The following DENND2C variants were observed in gnomAD, a reference collection of about 807,000 sequenced individuals.
DENND2C encodes the protein DENN domain-containing protein 2C.
A neutral mutation model predicts 112.4 loss-of-function variants in DENND2C; 72 were observed. The observed-to-expected ratio is 0.64, with a 90% CI of 0.53 to 0.78. DENND2C has a LOEUF of 0.78. Among genes scored for constraint, DENND2C ranks in the 30% least tolerant of loss-of-function variants. DENND2C has a pLI of 0.00. For missense variants in DENND2C, 992 were observed against 1,113.8 expected, an observed-to-expected ratio of 0.89 and a Z score of 1.56; for synonymous variants, 329 against 381.6, an observed-to-expected ratio of 0.86 and a Z score of 1.61.
chr1:114,669,134 T>C (rs1426436523), intron 1 of DENND2C, among the ~76,000 whole-genome samples: 6 of 152,194 alleles, frequency 3.9e-5, no homozygotes, highest in South Asian at 4.1e-4. Context: ...GAAGAATCAC[T>C]AGCTTTAGGG....
Position 114,587,922 on chromosome 1 carries a change from G to C in DENND2C, c.2462C>G (p.Ala821Gly), listed in dbSNP as rs751398782. ...CAACTCCACAAAAAACCTGACAAAT[G>C]CTTCGGACACCAGAGAGTTGAGTGT... ...DVTLNSLVSE[A>G]FVRFFVELVG... The change falls in exon 19 of 21, where the codon GCA becomes GGA. Residue 821 changes from alanine (A) to glycine (G), a missense_variant. By Grantham distance (60) the Ala-to-Gly change is moderately conservative (BLOSUM62 0). This residue lies in a region of DENND2C where 516 missense variants were observed against 623.6 expected (regional missense o/e 0.83). Coordinates refer to ENST00000393274, the MANE Select transcript of DENND2C (RefSeq NM_001256404.2). 1 of 1,614,070 alleles carries C rather than the reference G, an allele frequency of 6.2e-7. No individual in the cohort carries two copies. Among genetic ancestry groups the C allele is most frequent in the Non-Finnish European group, 8.5e-7 (1 of 1,180,012 alleles).
chr1:114,667,978 C>T (rs1373124233), intron 1 of DENND2C, among the ~76,000 whole-genome samples: 1 of 152,156 alleles, frequency 6.6e-6, no homozygotes, highest in Non-Finnish European at 1.5e-5. Context: ...TGAATGATAG[C>T]TGATGTTGTT....
At chr1:114,594,408 G>C in intron 18 of DENND2C, 65 bp downstream of exon 18, 5 of 1,302,042 alleles carry the variant, frequency 3.8e-6, no homozygotes, top group Non-Finnish European at 5.6e-6. Context: ...CATAGTGCTG[G>C]GCATTCAGTA....
chr1:114,621,018 T>G (rs1656148748), intron 7 of DENND2C, among the ~76,000 whole-genome samples: 2 of 152,158 alleles, frequency 1.3e-5, no homozygotes, highest in South Asian at 4.1e-4. Context: ...TACAGCAGAG[T>G]ATGTGCATAG....
chr1:114,665,540 T>A (rs1451736636), intron 1 of DENND2C, among the ~76,000 whole-genome samples: 1 of 152,200 alleles, frequency 6.6e-6, no homozygotes, highest in Non-Finnish European at 1.5e-5. Context: ...TGGGGTTACA[T>A]TCGGATAAAC....
chr1:114,621,917 G>A lies in DENND2C; in HGVS notation c.1205C>T (p.Thr402Met), dbSNP rs995161479. The A allele has an allele frequency of 3.5e-5, 54 of 1,550,410 alleles. No individual in the cohort carries two copies. Among genetic ancestry groups the A allele is most frequent in the South Asian group, 4.8e-5 (4 of 84,060 alleles). ...KLFRAGEVAN[T>M]KRKNLPRLVL... ...TACCCTTGGAAGATTTTTCCTTTTC[G>A]TGTTTGCAACTTCACCAGCTCGGAA... is the stretch of plus-strand genomic sequence containing the variant. Residue 402 changes from threonine to methionine, a missense_variant, in exon 7 of 21, where the codon ACG becomes ATG. Thr to Met is a moderately conservative substitution (Grantham distance 81). Coordinates refer to ENST00000393274, the MANE Select transcript of DENND2C (RefSeq NM_001256404.2).
intron 1 of DENND2C, among the ~76,000 whole-genome samples, chr1:114,663,356 C>G (rs1247406130): frequency 6.6e-6 from 1 of 152,184 alleles, no homozygotes; most frequent in African/African-American, 2.4e-5. Flanking sequence ...AAACATTTTT[C>G]AAACATACTT....
At chr1:114,630,993 A>T (rs1329717812) in intron 3 of DENND2C, among the ~76,000 whole-genome samples, 3 of 152,230 alleles carry the variant, frequency 2.0e-5, no homozygotes, top group Admixed American at 6.5e-5. Flanking sequence ...ACAAGGATTA[A>T]GTTGATTCTT....
In DENND2C at chr1:114,621,978, T is replaced by C; in HGVS notation, c.1144A>G (p.Thr382Ala). The C allele has an allele frequency of 6.4e-7, 1 of 1,550,936 alleles. No homozygotes were observed. The highest frequency in any genetic ancestry group is 1.2e-5 in the South Asian group (1 of 84,058). The stretch of plus-strand genomic sequence containing the variant: ...TCCGTTAAAGTGACCGGCAAAGTTG[T>C]ATCTTTTGTAAGCTTTGACCGCAAA... ...AYLRSKLTKD[T>A]TLPVTLTEWK... Residue 382 changes from threonine (T) to alanine (A), a missense_variant, in exon 7 of 21, where the codon ACA becomes GCA. Physicochemically the swap from Thr to Ala is moderately conservative, Grantham distance 58. This residue lies in a region of DENND2C where 470 missense variants were observed against 472.7 expected (regional missense o/e 0.99). Coordinates refer to ENST00000393274, the MANE Select transcript of DENND2C (RefSeq NM_001256404.2).
rs1655074911 is a variant in DENND2C at position 114,587,623 on chromosome 1, C to T, written c.2668+93G>A. 4 of 1,426,832 alleles carry T rather than the reference C, an allele frequency of 2.8e-6. No individual in the cohort carries two copies. In the Admixed American group the frequency reaches 8.3e-5, roughly 30 times the overall value. The allele number at this position is 1,426,832 out of a possible 1,614,324, so 88.4% of individuals were successfully genotyped here. ...TAATAAACAACTCAGATTTTAAGCC[C>T]TTGTCGCTTTACAATACTTTTTATT... On this transcript the variant is annotated intron_variant, in intron 19 of 20. Coordinates refer to ENST00000393274, the MANE Select transcript of DENND2C (RefSeq NM_001256404.2).
intron 8 of DENND2C, among the ~76,000 whole-genome samples, chr1:114,616,462 T>C (rs945065246): frequency 1.6e-4 from 24 of 152,156 alleles, no homozygotes; most frequent in Non-Finnish European, 2.8e-4. Context: ...TCCTCTGCTA[T>C]GACTTAGCTG....
rs151243034 is a variant in DENND2C at position 114,623,507 on chromosome 1, A to G, written c.943T>C (p.Tyr315His). 1.2e-4 allele frequency: 199 copies of G among 1,601,196 alleles called. No individual in the cohort carries two copies. The highest frequency in any genetic ancestry group is 8.3e-4 in the Middle Eastern group (5 of 6,036). ...SEDNIYEDII[Y>H]PTKENPYEDI... Reference sequence around the variant, plus strand: ...TAACTGCAAAGTTGTCAACACCTACATATGATATCTTCATAGATATTGTCC... The same window carrying G: ...TAACTGCAAAGTTGTCAACACCTACGTATGATATCTTCATAGATATTGTCC... The change falls in exon 5 of 21, where the codon TAT becomes CAT. Residue 315 changes from tyrosine (Y) to histidine (H), a missense_variant and splice_region_variant. By Grantham distance (83) the Tyr-to-His change is moderately conservative. This residue lies in a region of DENND2C where 470 missense variants were observed against 472.7 expected (regional missense o/e 0.99). Coordinates refer to ENST00000393274, the MANE Select transcript of DENND2C (RefSeq NM_001256404.2).
At chr1:114,647,171 AAG>A (rs1422120217) in intron 2 of DENND2C, among the ~76,000 whole-genome samples, 5 of 151,188 alleles carry the variant, frequency 3.3e-5, no homozygotes, top group African/African-American at 4.9e-5. Flanking sequence ...TAAAAAAAAA[AAG>A]AGAGAGAGAG....
At chr1:114,635,619 G>A (rs936865878) in intron 3 of DENND2C, among the ~76,000 whole-genome samples, 5 of 152,130 alleles carry the variant, frequency 3.3e-5, no homozygotes, top group Non-Finnish European at 5.9e-5. Flanking sequence ...TATGAGACCA[G>A]CATTACCTTA....
In DENND2C at chr1:114,585,275, C is replaced by T; in HGVS notation, c.*325G>A. 3 of 308,458 alleles carry T rather than the reference C, an allele frequency of 9.7e-6. No homozygotes were observed. The highest frequency in any genetic ancestry group is 1.2e-5 in the Non-Finnish European group (2 of 165,192). The allele number at this position is 308,458 out of a possible 1,614,324, so 19.1% of individuals were successfully genotyped here. Reference sequence around the variant, plus strand: ...TTGAGCTATTTTTTAAATGTAACAACAACAAGGCTTTTCCTTGTGAAACAC... The same window carrying T: ...TTGAGCTATTTTTTAAATGTAACAATAACAAGGCTTTTCCTTGTGAAACAC... On this transcript the variant is annotated 3_prime_UTR_variant, in exon 21 of 21. Coordinates refer to ENST00000393274, the MANE Select transcript of DENND2C (RefSeq NM_001256404.2).
intron 8 of DENND2C, among the ~76,000 whole-genome samples, chr1:114,616,559 A>T (rs969750104): frequency 6.6e-6 from 1 of 152,086 alleles, no homozygotes; most frequent in Non-Finnish European, 1.5e-5. Flanking sequence ...CACTGCTGAT[A>T]AAGACATACC....
At chr1:114,636,134 T>C (rs1364093070) in intron 3 of DENND2C, among the ~76,000 whole-genome samples, 1 of 151,738 alleles carries the variant, frequency 6.6e-6, no homozygotes, top group Non-Finnish European at 1.5e-5. Flanking sequence ...TCACCATGTT[T>C]ATGGGATAAA....
intron 11 of DENND2C, among the ~76,000 whole-genome samples, chr1:114,602,908 T>TAA (rs1415312111): frequency 6.6e-6 from 1 of 152,188 alleles, no homozygotes; most frequent in Non-Finnish European, 1.5e-5. Flanking sequence ...AACAGATAGG[T>TAA]AAGCTACAAA....
At chr1:114,663,136 A>G (rs11799831) in intron 1 of DENND2C, among the ~76,000 whole-genome samples, 8,791 of 152,264 alleles carry the variant, frequency 0.058, 373 homozygotes, top group African/African-American at 0.11. Flanking sequence ...TGAAGACATT[A>G]TCATGTTTTC....
Sources: allele counts gnomAD v4.1 joint callset (sites outside exome capture counted in the v4.1 genomes callset), GRCh38; gene constraint gnomAD v4.1.1; regional missense constraint gnomAD v4.1.1; transcripts MANE v1.5; gene names NCBI Gene and HGNC (gene_info 2026-07-23, HGNC 2026-07-21).